Variants in SULF1 observed in about 807,000 individuals in gnomAD.
SULF1 encodes the protein extracellular sulfatase Sulf-1.
In SULF1, 46 loss-of-function variants were observed where a neutral mutation model predicts 110.5. The ratio of observed to expected loss-of-function variants is 0.42; its 90% CI spans 0.33 to 0.53. The LOEUF is 0.53. Among genes scored for constraint, SULF1 ranks in the 20% least tolerant of loss-of-function variants. The probability of loss-of-function intolerance (pLI) is 0.12; values close to 1 mark genes in which losing one functional copy is unlikely to be tolerated. For synonymous variants in SULF1, 371 were observed against 387.1 expected, an observed-to-expected ratio of 0.96 and a Z score of 0.49; for missense variants, 941 against 1,094.2, an observed-to-expected ratio of 0.86 and a Z score of 1.98.
intron 13 of SULF1, 111 bp downstream of exon 13, chr8:69,605,043 A>G: frequency 6.9e-7 from 1 of 1,457,106 alleles, no homozygotes; most frequent in African/African-American, 1.4e-5. Flanking sequence ...AGCTTTTCCT[A>G]GTGGCCTTGA....
At chr8:69,643,963 A>C (rs1298455118) in intron 22 of SULF1, among the ~76,000 whole-genome samples, 4 of 152,166 alleles carry the variant, frequency 2.6e-5, no homozygotes, top group African/African-American at 9.6e-5. Flanking sequence ...GATGGCCAAG[A>C]GGAGCTCCTG....
Position 69,589,099 on chromosome 8 carries a change from C to T in SULF1, c.692C>T (p.Ala231Val). 6.2e-7 allele frequency: 1 copy of T among 1,614,120 alleles called. No individual in the cohort carries two copies. The highest frequency in any genetic ancestry group is 8.5e-7 in the Non-Finnish European group (1 of 1,179,998). Residue 231 changes from alanine (A) to valine (V), a missense_variant, in exon 8 of 23, where the codon GCC becomes GTC. By Grantham distance (64) the Ala-to-Val change is moderately conservative. Around this residue, in one of 3 missense-constraint regions of SULF1, gnomAD observed 822 missense variants for 934.3 expected, o/e 0.88. Transcript: ENST00000402687. ...GCGCCCCACGGCCCCGAGGACTCAG[C>T]CCCACAGTTTTCTAAACTGTACCCC... ...HAAPHGPEDS[A>V]PQFSKLYPNA...
chr8:69,600,706 C>G lies in SULF1; in HGVS notation c.838C>G (p.Arg280Gly). The G allele has an allele frequency of 6.2e-7, 1 of 1,614,054 alleles. No homozygotes were observed. Among genetic ancestry groups the G allele is most frequent in the Non-Finnish European group, 8.5e-7 (1 of 1,179,936 alleles). ...IHMEFTNILQ[R>G]KRLQTLMSVD... ...CATGGAATTTACAAACATTCTACAGCGCAAAAGGCTCCAGACTTTGATGTC... is the reference window on the plus strand; with the variant it reads ...CATGGAATTTACAAACATTCTACAGGGCAAAAGGCTCCAGACTTTGATGTC... Residue 280 changes from arginine to glycine, a missense_variant, in exon 9 of 23, where the codon CGC becomes GGC. Physicochemically the swap from Arg to Gly is moderately radical, Grantham distance 125 (BLOSUM62 -2). Coordinates refer to ENST00000402687, the MANE Select transcript of SULF1 (RefSeq NM_001128205.2).
chr8:69,564,205 T>A, intron 5 of SULF1, 58 bp downstream of exon 5: 1 of 1,583,132 alleles, frequency 6.3e-7, no homozygotes, highest in Non-Finnish European at 8.7e-7. Flanking sequence ...TTCTCGAGTC[T>A]CAGGATTATC....
intron 19 of SULF1, among the ~76,000 whole-genome samples, chr8:69,629,909 C>G: frequency 6.6e-6 from 1 of 152,160 alleles, no homozygotes; most frequent in Non-Finnish European, 1.5e-5. Context: ...GCTTTTTCCT[C>G]CTGATGATGT....
intron 8 of SULF1, among the ~76,000 whole-genome samples, chr8:69,589,705 G>A (rs888319148): frequency 1.8e-4 from 27 of 152,116 alleles, no homozygotes; most frequent in African/African-American, 6.5e-4. Context: ...CTTGGAGATG[G>A]GGGGTGGGAA....
chr8:69,578,497 TC>T lies in SULF1; in HGVS notation c.412+2294del, dbSNP rs1394437493. 1.4e-3 allele frequency among the ~76,000 whole-genome samples: 120 copies of T among 88,300 alleles called. 1 individual carries two copies. In the East Asian group the frequency reaches 0.032, roughly 24 times the overall value. 57.9% of individuals were successfully genotyped at this position (88,300 alleles called of 152,430 possible). A position where few individuals can be genotyped will look rare whatever the true frequency, so the allele number is the denominator to read the frequency against. ...AAGGTATATCTCCTAATGCTATCCC[TC>T]CCCCCTCCCCCCACCCCACAACTGA... is the stretch of plus-strand genomic sequence containing the variant. On this transcript the variant is annotated intron_variant, in intron 6 of 22. Coordinates refer to ENST00000402687, the MANE Select transcript of SULF1 (RefSeq NM_001128205.2).
chr8:69,633,289 T>C (rs968995850), intron 19 of SULF1, among the ~76,000 whole-genome samples: 3 of 151,690 alleles, frequency 2.0e-5, no homozygotes, highest in Admixed American at 6.6e-5. Flanking sequence ...TCTGGTTCCA[T>C]AGATGTGCTT....
In SULF1 at chr8:69,576,036, C is replaced by A; in HGVS notation, c.239C>A (p.Ala80Asp). The change falls in exon 6 of 23, where the codon GCC becomes GAC. Residue 80 changes from alanine to aspartate, a missense_variant. Coordinates refer to ENST00000402687, the MANE Select transcript of SULF1 (RefSeq NM_001128205.2). ...CATGGGGGGGCCACCTTCATCAATG[C>A]CTTTGTGACTACACCCATGTGCTGC... is the stretch of plus-strand genomic sequence containing the variant. The part of the protein sequence containing the change: ...MEHGGATFIN[A>D]FVTTPMCCPS... 1 of 1,614,162 alleles carries A rather than the reference C, an allele frequency of 6.2e-7. No individual in the cohort carries two copies. Among genetic ancestry groups the A allele is most frequent in the Non-Finnish European group, 8.5e-7 (1 of 1,180,024 alleles).
Position 69,638,376 on chromosome 8 carries a change from C to A in SULF1, c.2285-126C>A, listed in dbSNP as rs1161870053. On this transcript the variant is annotated intron_variant, in intron 19 of 22. Coordinates refer to ENST00000402687, the MANE Select transcript of SULF1 (RefSeq NM_001128205.2). ...GGTATTATTATTCTTAACATGAAAC[C>A]ACAATATTTATAAGAAAGAAATTGT... is the stretch of plus-strand genomic sequence containing the variant. The A allele has an allele frequency of 3.5e-6, 4 of 1,153,426 alleles. No individual in the cohort carries two copies. The African/African-American group carries it at 4.7e-5, about 14-fold the overall frequency. 71.4% of individuals were successfully genotyped at this position (1,153,426 alleles called of 1,614,324 possible).
At chr8:69,481,181 G>A (rs1465189927) in intron 1 of SULF1, among the ~76,000 whole-genome samples, 4 of 152,034 alleles carry the variant, frequency 2.6e-5, no homozygotes, top group South Asian at 4.2e-4. Context: ...GAGCATTTTC[G>A]TTCATATTTT....
intron 3 of SULF1, among the ~76,000 whole-genome samples, chr8:69,530,215 T>A (rs1812989810): frequency 6.6e-6 from 1 of 152,218 alleles, no homozygotes; most frequent in East Asian, 1.9e-4. Context: ...AATGTAGGAT[T>A]TGTCACTAAA....
intron 19 of SULF1, among the ~76,000 whole-genome samples, chr8:69,630,512 C>T (rs1810434554): frequency 6.6e-6 from 1 of 152,124 alleles, no homozygotes; most frequent in African/African-American, 2.4e-5. Context: ...TTATGTTTTC[C>T]CTTTCCATTT....
At position 69,516,751 on chromosome 8, in the gene SULF1, C is replaced by T. The variant is rs115538471; in HGVS notation, c.-134+14783C>T. Among the ~76,000 whole-genome samples the T allele has an allele frequency of 4.7e-4, 72 of 152,238 alleles. 1 individual carries two copies. The highest frequency in any genetic ancestry group is 1.7e-3 in the African/African-American group (70 of 41,542). On this transcript the variant is annotated intron_variant, in intron 3 of 22. Transcript: ENST00000402687. ...ATAGAGGCAAATCCTTTGTTACAAA[C>T]AGGCAATGTTAAGGATGATAATTTG...
At chr8:69,605,563 G>T (rs1808167769) in intron 13 of SULF1, among the ~76,000 whole-genome samples, 1 of 152,178 alleles carries the variant, frequency 6.6e-6, no homozygotes, top group African/African-American at 2.4e-5. Flanking sequence ...AAGAATAAAA[G>T]AAATACTGTG....
At chr8:69,532,612 G>C (rs530127780) in intron 3 of SULF1, among the ~76,000 whole-genome samples, 1 of 152,320 alleles carries the variant, frequency 6.6e-6, no homozygotes, top group Non-Finnish European at 1.5e-5. Context: ...GCAAGAGAAT[G>C]AAAAAGAATG....
chr8:69,579,794 T>C (rs1166547280), intron 6 of SULF1, among the ~76,000 whole-genome samples: 3 of 152,138 alleles, frequency 2.0e-5, no homozygotes, highest in Non-Finnish European at 4.4e-5. Context: ...TAGGTAGATA[T>C]TAAACCAATG....
At chr8:69,623,516 G>T (rs1203077483) in intron 14 of SULF1, among the ~76,000 whole-genome samples, 1 of 152,208 alleles carries the variant, frequency 6.6e-6, no homozygotes, top group African/African-American at 2.4e-5. Flanking sequence ...CATAGCAAAA[G>T]CTCAATAAAG....
chr8:69,510,775 C>T (rs912953106), intron 3 of SULF1, among the ~76,000 whole-genome samples: 1 of 151,914 alleles, frequency 6.6e-6, no homozygotes, highest in African/African-American at 2.4e-5. Context: ...CACCACCATG[C>T]CTGGCTAATT....
Sources: allele counts gnomAD v4.1 joint callset (sites outside exome capture counted in the v4.1 genomes callset), GRCh38; gene constraint gnomAD v4.1.1; regional missense constraint gnomAD v4.1.1; transcripts MANE v1.5; gene names NCBI Gene and HGNC (gene_info 2026-07-23, HGNC 2026-07-21).